DCDC2C: variants seen among roughly 807,000 people sequenced by gnomAD.
DCDC2C encodes doublecortin domain-containing protein 2C.
Under a neutral mutation model 45.0 loss-of-function variants are expected in DCDC2C, and 44 were observed. The observed-to-expected ratio is 0.98, with a 90% CI of 0.77 to 1.26. The LOEUF is 1.26. DCDC2C is among the 50% of genes most tolerant of loss of function. The probability of loss-of-function intolerance (pLI) is 0.00; values close to 1 mark genes in which losing one functional copy is unlikely to be tolerated. For missense variants in DCDC2C, 447 were observed against 468.9 expected (o/e 0.95, Z 0.43); for synonymous variants, 187 against 178.8 (o/e 1.05, Z -0.37).
intron 10 of DCDC2C, among the ~76,000 whole-genome samples, chr2:3,786,682 C>T (rs1294498012): frequency 6.9e-6 from 1 of 144,972 alleles, no homozygotes; most frequent in Non-Finnish European, 1.5e-5. Flanking sequence ...CGCCTGTGCA[C>T]GGAGCCTCCG....
In DCDC2C at chr2:3,703,802, C is replaced by A; in HGVS notation, c.51C>A (p.Thr17=). 2.4e-6 allele frequency: 3 copies of A among 1,251,286 alleles called. No individual in the cohort carries two copies. The highest frequency in any genetic ancestry group is 3.0e-6 in the Non-Finnish European group (3 of 994,750). The allele number at this position is 1,251,286 out of a possible 1,614,324, so 77.5% of individuals were successfully genotyped here. A position where few individuals can be genotyped will look rare whatever the true frequency, so the allele number is the denominator to read the frequency against. The stretch of plus-strand genomic sequence containing the variant: ...CGGTGGACACCACGCCCGCCAAGAC[C>A]ATCGTGGTGTACCGCAACGGGGACC... ...SAPVDTTPAK[T]IVVYRNGDPF... The change falls in exon 1 of 11, where the codon ACC becomes ACA. Residue 17 remains threonine, a synonymous_variant. Coordinates refer to ENST00000399143, the MANE Select transcript of DCDC2C (RefSeq NM_001287444.2). The surrounding 1 kb of genome is among the most constrained non-coding windows in gnomAD (Gnocchi z 4.4).
chr2:3,812,829 A>C (rs570829875), intron 10 of DCDC2C, among the ~76,000 whole-genome samples: 2 of 151,922 alleles, frequency 1.3e-5, no homozygotes, highest in South Asian at 4.2e-4. Flanking sequence ...TCTCAATTTC[A>C]TTATTTGCCC....
At chr2:3,840,895 C>T (rs1429176063) in intron 10 of DCDC2C, among the ~76,000 whole-genome samples, 1 of 152,224 alleles carries the variant, frequency 6.6e-6, no homozygotes, top group Non-Finnish European at 1.5e-5. Flanking sequence ...AAGCTTCCCA[C>T]TGACAGGCAG....
At chr2:3,739,540 CA>C (rs1488665680) in intron 3 of DCDC2C, among the ~76,000 whole-genome samples, 2 of 152,250 alleles carry the variant, frequency 1.3e-5, no homozygotes, top group African/African-American at 4.8e-5. Flanking sequence ...CAGGCACCGG[CA>C]CACCGGCAGG....
intron 4 of DCDC2C, among the ~76,000 whole-genome samples, chr2:3,751,219 C>T (rs1162198350): frequency 6.6e-6 from 1 of 152,214 alleles, no homozygotes; most frequent in Non-Finnish European, 1.5e-5. Flanking sequence ...GGTGCCCTCT[C>T]CTTAGGACCA....
chr2:3,739,143 A>G (rs1239241160), intron 3 of DCDC2C, among the ~76,000 whole-genome samples: 1 of 152,208 alleles, frequency 6.6e-6, no homozygotes, highest in Non-Finnish European at 1.5e-5. Context: ...AGATTTTTCT[A>G]TTTACAGGCT....
rs1671610732 is a variant in DCDC2C at position 3,818,647 on chromosome 2, G to A, written c.1066-28507G>A. On this transcript the variant is annotated intron_variant, in intron 10 of 10. Coordinates refer to ENST00000399143, the MANE Select transcript of DCDC2C (RefSeq NM_001287444.2). This position sits in a 1 kb window ranked among gnomAD's most constrained non-coding sequence, Gnocchi z 4.7. ...TCCTTTTAAAGCTTGCTGTGGGATGGGATATTGGTGTTCAGTGGGGTAAGG... is the reference window on the plus strand; with the variant it reads ...TCCTTTTAAAGCTTGCTGTGGGATGAGATATTGGTGTTCAGTGGGGTAAGG... Among the ~76,000 whole-genome samples the A allele has an allele frequency of 6.6e-6, 1 of 152,118 alleles. No homozygotes were observed. The highest frequency in any genetic ancestry group is 1.5e-5 in the Non-Finnish European group (1 of 68,022).
At chr2:3,717,975 C>T (rs540761982) in intron 2 of DCDC2C, among the ~76,000 whole-genome samples, 1 of 152,358 alleles carries the variant, frequency 6.6e-6, no homozygotes, top group South Asian at 2.1e-4. Context: ...AGATGTTCCT[C>T]TCCCATGCTT....
At chr2:3,735,306 C>A (rs113044774) in intron 3 of DCDC2C, among the ~76,000 whole-genome samples, 2,694 of 151,558 alleles carry the variant, frequency 0.018, 74 homozygotes, top group African/African-American at 0.062. Flanking sequence ...GGTACCCGTG[C>A]ACAATGTGCA....
chr2:3,772,327 G>A (rs560965314), intron 8 of DCDC2C, among the ~76,000 whole-genome samples: 8 of 152,346 alleles, frequency 5.3e-5, no homozygotes, highest in African/African-American at 1.9e-4. Context: ...CCCATTGTCA[G>A]GTTTGGAGAA....
chr2:3,841,869 T>C (rs2148247141), intron 10 of DCDC2C, among the ~76,000 whole-genome samples: 1 of 152,346 alleles, frequency 6.6e-6, no homozygotes, highest in South Asian at 2.1e-4. Flanking sequence ...GCTTTTTTTT[T>C]CTGTTTAAGC....
At chr2:3,751,636 GC>G (rs1669545574) in intron 4 of DCDC2C, among the ~76,000 whole-genome samples, 1 of 152,212 alleles carries the variant, frequency 6.6e-6, no homozygotes. Flanking sequence ...CAGCTCTGAC[GC>G]CCAGCTCTGC....
chr2:3,744,139 G>T (rs961202110), intron 4 of DCDC2C, among the ~76,000 whole-genome samples: 1 of 152,192 alleles, frequency 6.6e-6, no homozygotes, highest in Non-Finnish European at 1.5e-5. Flanking sequence ...CTGAAGATTT[G>T]TAGTGGAACC....
intron 10 of DCDC2C, among the ~76,000 whole-genome samples, chr2:3,825,623 C>T (rs1254311618): frequency 1.3e-5 from 2 of 152,128 alleles, no homozygotes; most frequent in Non-Finnish European, 2.9e-5. Flanking sequence ...GTCTGTAGCT[C>T]CTGGTCTCCA....
At chr2:3,844,572 G>A (rs1672283134) in intron 10 of DCDC2C, 2 of 152,266 alleles carry the variant, frequency 1.3e-5, no homozygotes, top group Non-Finnish European at 2.9e-5. Context: ...TGAAGAAACA[G>A]TCAAAAACTA....
rs1667956139 is a variant in DCDC2C at position 3,704,038 on chromosome 2, A to C, written c.287A>C (p.Asp96Ala). The part of the protein sequence containing the change: ...AAGRERFKEL[D>A]YIHIVPRKPA... ...GGCCGCGAGCGCTTCAAGGAGCTCG[A>C]GTAAGTGCGCCCGCGCCCCCCACGC... Residue 96 changes from aspartate (D) to alanine (A), a missense_variant and splice_region_variant, in exon 1 of 11, where the codon GAT (aspartate) becomes GCT (alanine). Transcript: ENST00000399143. 2.4e-6 allele frequency: 3 copies of C among 1,261,476 alleles called. No homozygotes were observed. Among genetic ancestry groups the C allele is most frequent in the Admixed American group, 4.2e-5 (1 of 23,708 alleles). 78.1% of individuals were successfully genotyped at this position (1,261,476 alleles called of 1,614,324 possible). A position where few individuals can be genotyped will look rare whatever the true frequency, so the allele number is the denominator to read the frequency against.
intron 9 of DCDC2C, among the ~76,000 whole-genome samples, chr2:3,782,427 C>T (rs1176767921): frequency 6.6e-6 from 1 of 151,938 alleles, no homozygotes; most frequent in African/African-American, 2.4e-5. Flanking sequence ...TAACATTTTT[C>T]ATCCTTAAAG....
chr2:3,827,048 T>C (rs1300434253), intron 10 of DCDC2C, among the ~76,000 whole-genome samples: 2 of 151,690 alleles, frequency 1.3e-5, no homozygotes, highest in South Asian at 2.1e-4. Flanking sequence ...ATAGAAGGAG[T>C]CTTGACCAAA....
chr2:3,824,166 A>G (rs1165133803), intron 10 of DCDC2C, among the ~76,000 whole-genome samples: 1 of 152,216 alleles, frequency 6.6e-6, no homozygotes, highest in Non-Finnish European at 1.5e-5. Context: ...TCATATCTGT[A>G]TCTGGTCCCA....
Sources: allele counts gnomAD v4.1 joint callset (sites outside exome capture counted in the v4.1 genomes callset), GRCh38; gene constraint gnomAD v4.1.1; non-coding constraint Gnocchi (gnomAD v3.1); transcripts MANE v1.5; gene names NCBI Gene and HGNC (gene_info 2026-07-23, HGNC 2026-07-21).